Variants in TMEM163 observed in about 807,000 individuals in gnomAD.
TMEM163 encodes the protein transmembrane protein 163.
In TMEM163, 17 loss-of-function variants were observed where a neutral mutation model predicts 29.3. The ratio of observed to expected loss-of-function variants is 0.58; its 90% CI spans 0.40 to 0.87. The LOEUF (loss-of-function observed/expected upper bound fraction) is 0.87. Ranked by LOEUF, TMEM163 falls within the 40% of genes least tolerant of loss-of-function variation. The probability of loss-of-function intolerance (pLI) is 0.00; values close to 1 mark genes in which losing one functional copy is unlikely to be tolerated. For synonymous variants in TMEM163, 157 were observed against 160.6 expected, an observed-to-expected ratio of 0.98 and a Z score of 0.17; for missense variants, 303 against 381.5, an observed-to-expected ratio of 0.79 and a Z score of 1.71.
At chr2:134,622,020 C>A (rs1334085320) in intron 2 of TMEM163, among the ~76,000 whole-genome samples, 1 of 152,122 alleles carries the variant, frequency 6.6e-6, no homozygotes, top group Non-Finnish European at 1.5e-5. Context: ...ATTTATTATG[C>A]TCATTGAAAT....
At chr2:134,583,810 C>T (rs1243324952) in intron 2 of TMEM163, among the ~76,000 whole-genome samples, 1 of 152,138 alleles carries the variant, frequency 6.6e-6, no homozygotes, top group Non-Finnish European at 1.5e-5. Flanking sequence ...CCATGGCTTG[C>T]TCTCTGCTCC....
intron 4 of TMEM163, among the ~76,000 whole-genome samples, chr2:134,511,153 C>CGGGGGG (rs10639023): frequency 2.8e-4 from 34 of 122,408 alleles, no homozygotes; most frequent in African/African-American, 1.2e-3. Context: ...GAGAACAAGG[C>CGGGGGG]GGGGGGGGGT....
chr2:134,566,337 G>A (rs1351979022), intron 2 of TMEM163, among the ~76,000 whole-genome samples: 1 of 152,164 alleles, frequency 6.6e-6, no homozygotes, highest in Non-Finnish European at 1.5e-5. Context: ...CCTGAGGTGG[G>A]TGGATCACAA....
intron 2 of TMEM163, among the ~76,000 whole-genome samples, chr2:134,558,832 C>T (rs1388696244): frequency 6.6e-6 from 1 of 152,172 alleles, no homozygotes; most frequent in Non-Finnish European, 1.5e-5. Context: ...CCCCAGGCCC[C>T]GTAACACCTC....
chr2:134,717,846 C>G (rs938384551), intron 1 of TMEM163, among the ~76,000 whole-genome samples: 5 of 152,026 alleles, frequency 3.3e-5, no homozygotes, highest in Non-Finnish European at 7.4e-5. Context: ...GAATCCAAGC[C>G]CAAAGGAAAC....
At chr2:134,606,877 G>A (rs1364068305) in intron 2 of TMEM163, among the ~76,000 whole-genome samples, 3 of 152,260 alleles carry the variant, frequency 2.0e-5, no homozygotes, top group Admixed American at 2.0e-4. Flanking sequence ...AAACAGTGAA[G>A]TAGCAACAGG....
chr2:134,557,600 C>A (rs1228110244), intron 2 of TMEM163, among the ~76,000 whole-genome samples: 1 of 152,128 alleles, frequency 6.6e-6, no homozygotes, highest in Non-Finnish European at 1.5e-5. Flanking sequence ...AGGTAACAGA[C>A]AAATGGTTGT....
At chr2:134,700,941 A>AATAAATACATAAATACATAAATAC (rs1553495682) in intron 2 of TMEM163, among the ~76,000 whole-genome samples, 94 of 146,408 alleles carry the variant, frequency 6.4e-4, no homozygotes, top group Admixed American at 1.3e-3. Flanking sequence ...TAAATAAATA[A>AATAAATACATAAATACATAAATAC]ATAAATAAAG....
intron 4 of TMEM163, among the ~76,000 whole-genome samples, chr2:134,527,658 C>T (rs960321172): frequency 6.6e-6 from 1 of 152,204 alleles, no homozygotes; most frequent in Non-Finnish European, 1.5e-5. Context: ...ATAGGAATGA[C>T]TTGTCCTAGC....
At chr2:134,560,727 A>G (rs1020366035) in intron 2 of TMEM163, among the ~76,000 whole-genome samples, 1 of 152,236 alleles carries the variant, frequency 6.6e-6, no homozygotes, top group African/African-American at 2.4e-5. Flanking sequence ...CAACCCAAGG[A>G]AAGTCTCTAG....
At chr2:134,596,091 T>C (rs901467546) in intron 2 of TMEM163, among the ~76,000 whole-genome samples, 2 of 152,378 alleles carry the variant, frequency 1.3e-5, no homozygotes, top group Admixed American at 1.3e-4. Context: ...TAGTTTCTTT[T>C]GCTGCGCAGA....
In TMEM163 at chr2:134,666,188, C is replaced by T. The variant is rs192985678; in HGVS notation, c.322+47012G>A. ...AAATCCCACCCACCACCACCTTCCACCATGGGGCTCACAACAGCCGACTTC... is the reference window on the plus strand; with the variant it reads ...AAATCCCACCCACCACCACCTTCCATCATGGGGCTCACAACAGCCGACTTC... On this transcript the variant is annotated intron_variant, in intron 2 of 7. Transcript: ENST00000281924. 4.5e-3 allele frequency among the ~76,000 whole-genome samples: 679 copies of T among 152,214 alleles called. 11 individuals carry two copies. The East Asian group carries it at 0.052, about 12-fold the overall frequency.
rs970285788 is a variant in TMEM163 at position 134,689,479 on chromosome 2, G to A, written c.322+23721C>T. Among the ~76,000 whole-genome samples, 3 of 152,162 alleles carry A rather than the reference G, an allele frequency of 2.0e-5. No homozygotes were observed. The East Asian group carries it at 5.8e-4, about 29-fold the overall frequency. ...ATTTTGTTTCTATTGGACAGCACTG[G>A]TCTAGGGACTCAGCTCACTTCCCCA... On this transcript the variant is annotated intron_variant, in intron 2 of 7. Coordinates refer to ENST00000281924, the MANE Select transcript of TMEM163 (RefSeq NM_030923.5).
chr2:134,511,653 G>A lies in TMEM163; in HGVS notation c.459-8656C>T, dbSNP rs566675446. On this transcript the variant is annotated intron_variant, in intron 4 of 7. Coordinates refer to ENST00000281924, the MANE Select transcript of TMEM163 (RefSeq NM_030923.5). Reference sequence around the variant, plus strand: ...CCATGAGATCCAAGGCAGACTGGCCGGAATTCAGTGCATTCCAGCTGCTGA... The same window carrying A: ...CCATGAGATCCAAGGCAGACTGGCCAGAATTCAGTGCATTCCAGCTGCTGA... 3.9e-5 allele frequency among the ~76,000 whole-genome samples: 6 copies of A among 152,334 alleles called. No individual in the cohort carries two copies. In the South Asian group the frequency reaches 6.2e-4, roughly 16 times the overall value.
At chr2:134,494,602 G>T (rs1679504370) in intron 5 of TMEM163, among the ~76,000 whole-genome samples, 1 of 152,152 alleles carries the variant, frequency 6.6e-6, no homozygotes, top group African/African-American at 2.4e-5. Context: ...CCACCAACTT[G>T]CTTGGAAGCC....
intron 4 of TMEM163, among the ~76,000 whole-genome samples, chr2:134,522,760 C>T (rs1032869365): frequency 9.9e-5 from 15 of 152,214 alleles, no homozygotes; most frequent in African/African-American, 3.6e-4. Flanking sequence ...ATCTAAGGCT[C>T]ATCCCAATTT....
intron 2 of TMEM163, among the ~76,000 whole-genome samples, chr2:134,699,581 C>T (rs895941754): frequency 2.0e-5 from 3 of 152,184 alleles, no homozygotes; most frequent in Admixed American, 1.3e-4. Context: ...ATATATTCTA[C>T]ATCACATATG....
chr2:134,655,806 C>G (rs1425099467), intron 2 of TMEM163, among the ~76,000 whole-genome samples: 1 of 141,590 alleles, frequency 7.1e-6, no homozygotes, highest in Non-Finnish European at 1.5e-5. Context: ...AATACCCTGC[C>G]GTGTGAGGTG....
intron 2 of TMEM163, among the ~76,000 whole-genome samples, chr2:134,639,366 G>T (rs981041814): frequency 6.6e-6 from 1 of 152,186 alleles, no homozygotes; most frequent in African/African-American, 2.4e-5. Flanking sequence ...GGTCCCAAGT[G>T]CCTCATCATC....
Sources: gnomAD v4.1 joint callset for allele counts (sites outside exome capture counted in the v4.1 genomes callset) on GRCh38, gnomAD v4.1.1 for gene constraint, MANE v1.5 for transcripts, NCBI Gene and HGNC (gene_info 2026-07-23, HGNC 2026-07-21) for gene names.